Variants in ABCA10 observed in about 807,000 individuals in gnomAD.
ABCA10 encodes the protein ATP binding cassette subfamily A member 10, also known as ATP-binding cassette sub-family A member 10.
In ABCA10, 169 loss-of-function variants were observed where a neutral mutation model predicts 187.5. The observed-to-expected ratio is 0.90, with a 90% confidence interval of 0.80 to 1.02. The LOEUF (loss-of-function observed/expected upper bound fraction) is 1.02. Among genes scored for constraint, ABCA10 ranks in the 50% least tolerant of loss-of-function variants. ABCA10 has a pLI of 0.00. For synonymous variants in ABCA10, 574 were observed against 601.8 expected, an observed-to-expected ratio of 0.95 and a Z score of 0.68; for missense variants, 1,727 against 1,812.4, an observed-to-expected ratio of 0.95 and a Z score of 0.86.
chr17:69,195,157 T>C (rs879839235), intron 11 of ABCA10, among the ~76,000 whole-genome samples: 1 of 152,146 alleles, frequency 6.6e-6, no homozygotes, highest in Non-Finnish European at 1.5e-5. Context: ...GTTAGCATGC[T>C]GGAAATTTTA....
chr17:69,182,157 G>A lies in ABCA10; in HGVS notation c.2765C>T (p.Ser922Phe), dbSNP rs1321587978. The A allele has an allele frequency of 1.3e-6, 2 of 1,575,114 alleles. No individual in the cohort carries two copies. Among genetic ancestry groups the A allele is most frequent in the Admixed American group, 3.6e-5 (2 of 55,518 alleles). Residue 922 changes from serine to phenylalanine, a missense_variant, in exon 22 of 39, where the codon TCT (serine) becomes TTT (phenylalanine). Ser to Phe is a radical substitution (Grantham distance 155). Transcript: ENST00000690296. ...TAAGTCGAATACTCTACTTACACGA[G>A]AAAATGAAGTGCTCTCCATTTGAAT... The part of the protein sequence containing the change: ...ELIQMESTSF[S>F]RDDIVLDLGF...
At chr17:69,175,709 T>A (rs1299079308) in intron 22 of ABCA10, 196 bp from the exon 23 acceptor site, 3 of 425,192 alleles carry the variant, frequency 7.1e-6, no homozygotes, top group African/African-American at 4.1e-5. Context: ...TAAAAGAAAT[T>A]CAAAATCTCA....
Position 69,211,110 on chromosome 17 carries a change from C to T in ABCA10, c.1006+3594G>A, listed in dbSNP as rs553296326. 8.2e-4 allele frequency among the ~76,000 whole-genome samples: 124 copies of T among 150,658 alleles called. 1 individual carries two copies. The highest frequency in any genetic ancestry group is 5.9e-4 in the Non-Finnish European group (40 of 67,776). Reference sequence around the variant, plus strand: ...CTAAAAGTGGAACTACCCTTTGATCCAGCAATCCTACTACTAGTTATCCAC... The same window carrying T: ...CTAAAAGTGGAACTACCCTTTGATCTAGCAATCCTACTACTAGTTATCCAC... On this transcript the variant is annotated intron_variant, in intron 9 of 38. Transcript: ENST00000690296.
intron 28 of ABCA10, among the ~76,000 whole-genome samples, 164 bp downstream of exon 28, chr17:69,156,665 TAAG>T (rs1453858972): frequency 1.3e-5 from 2 of 152,084 alleles, no homozygotes; most frequent in African/African-American, 4.8e-5. Context: ...ATTATAAATT[TAAG>T]AAGATTAAAT....
At chr17:69,158,486 T>C (rs1216834867) in intron 27 of ABCA10, among the ~76,000 whole-genome samples, 1 of 151,616 alleles carries the variant, frequency 6.6e-6, no homozygotes, top group African/African-American at 2.4e-5. Flanking sequence ...AATAAATAAA[T>C]ACATAAATAA....
chr17:69,202,659 T>C (rs1442160480), intron 9 of ABCA10, among the ~76,000 whole-genome samples: 1 of 152,180 alleles, frequency 6.6e-6, no homozygotes, highest in East Asian at 1.9e-4. Flanking sequence ...TAGATAATTC[T>C]TTAACGTTTT....
intron 20 of ABCA10, 68 bp from the exon 21 acceptor site, chr17:69,182,876 AAAT>A: frequency 2.0e-6 from 3 of 1,519,736 alleles, no homozygotes; most frequent in South Asian, 1.3e-5. Context: ...TCAAAGCTTA[AAAT>A]AATAATGATT....
rs371484848 is a variant in ABCA10, at chr17:69,214,729, T to G, written c.981A>C (p.Thr327=). The change falls in exon 9 of 39, where the codon ACA becomes ACC. Residue 327 remains threonine, a synonymous_variant. Transcript: ENST00000690296. The part of the protein sequence containing the change: ...AFDTLFYLIF[T]LYFERVLPDK... Reference sequence around the variant, plus strand: ...CAGGTAAAACTCGCTCAAAATATAATGTGAATATCAAATAGAAAAGAGTAT... The same window carrying G: ...CAGGTAAAACTCGCTCAAAATATAAGGTGAATATCAAATAGAAAAGAGTAT... The G allele has an allele frequency of 5.3e-6, 8 of 1,514,074 alleles. No individual in the cohort carries two copies. The African/African-American group carries it at 7.4e-5, about 14-fold the overall frequency. The allele number at this position is 1,514,074 out of a possible 1,614,324, so 93.8% of individuals were successfully genotyped here. A position where few individuals can be genotyped will look rare whatever the true frequency, so the allele number is the denominator to read the frequency against.
At chr17:69,154,386 T>TTGGTTG (rs1165210238) in intron 30 of ABCA10, 60 bp from the exon 31 acceptor site, 9 of 1,268,012 alleles carry the variant, frequency 7.1e-6, no homozygotes, top group Non-Finnish European at 1.0e-5. Context: ...CTAAAATTGC[T>TTGGTTG]TGGTTGGTTG....
At position 69,174,721 on chromosome 17, in the gene ABCA10, A is replaced by G. The variant is rs1568055977; in HGVS notation, c.2934T>C (p.Cys978=). ...ISGLWPSAYW[C]GQALVDIPLY... is the part of the protein sequence containing the mutation. ...ATGGAATGTCCACCAGAGCCTGTCC[A>G]CACCAGTATGCTGAAGGCCAGAGGC... Residue 978 remains cysteine (C), a synonymous_variant, in exon 24 of 39, where the codon TGT becomes TGC. Coordinates refer to ENST00000690296, the MANE Select transcript of ABCA10 (RefSeq NM_001377321.1). 6.2e-7 allele frequency: 1 copy of G among 1,611,284 alleles called. No individual in the cohort carries two copies. Among genetic ancestry groups the G allele is most frequent in the Admixed American group, 1.7e-5 (1 of 59,704 alleles).
At chr17:69,215,605 C>T (rs901200587) in intron 8 of ABCA10, 17 of 442,482 alleles carry the variant, frequency 3.8e-5, no homozygotes, top group Non-Finnish European at 6.4e-5. Context: ...TATTTTTCTT[C>T]TTTAAATTTG....
Position 69,149,975 on chromosome 17 carries a change from C to G in ABCA10, c.4477+9G>C, listed in dbSNP as rs1234863209. On this transcript the variant is annotated intron_variant, in intron 37 of 38. Transcript: ENST00000690296. Reference sequence around the variant, plus strand: ...ACATAAAGTCTTATTTATATATACCCAAACTTACTCGCCTCTAACTTGAAA... The same window carrying G: ...ACATAAAGTCTTATTTATATATACCGAAACTTACTCGCCTCTAACTTGAAA... 2 of 1,597,776 alleles carry G rather than the reference C, an allele frequency of 1.3e-6. No individual in the cohort carries two copies. Among genetic ancestry groups the G allele is most frequent in the Admixed American group, 3.4e-5 (2 of 59,516 alleles).
At position 69,183,168 on chromosome 17, in the gene ABCA10, A is replaced by G. The variant is rs1353510324; in HGVS notation, c.2498-360T>C. 5.3e-5 allele frequency among the ~76,000 whole-genome samples: 8 copies of G among 152,282 alleles called. No homozygotes were observed. The South Asian group carries it at 1.7e-3, about 32-fold the overall frequency. On this transcript the variant is annotated intron_variant, in intron 20 of 38. Transcript: ENST00000690296. ...AACCCTGTAATATTTGTAATTATGA[A>G]TAATACATACAAAATATACCTCATG... is the stretch of plus-strand genomic sequence containing the variant.
rs1021652681 is a variant in ABCA10 at position 69,152,137 on chromosome 17, A to C, written c.4303T>G (p.Tyr1435Asp). 8 of 1,613,720 alleles carry C rather than the reference A, an allele frequency of 5.0e-6. No homozygotes were observed. The African/African-American group carries it at 1.1e-4, about 22-fold the overall frequency. ...QHLKNKFGRD[Y>D]LLEIKMKEPT... Reference sequence around the variant, plus strand: ...TCTTTCATTTTTATTTCTAGTAAATAATCTCTACCAAACTTGTTTTTCAGA... The same window carrying C: ...TCTTTCATTTTTATTTCTAGTAAATCATCTCTACCAAACTTGTTTTTCAGA... The change falls in exon 36 of 39, where the codon TAT (tyrosine) becomes GAT (aspartate). Residue 1435 changes from tyrosine to aspartate, a missense_variant. Physicochemically the swap from Tyr to Asp is radical, Grantham distance 160 (BLOSUM62 -3). Coordinates refer to ENST00000690296, the MANE Select transcript of ABCA10 (RefSeq NM_001377321.1).
chr17:69,154,234 C>T lies in ABCA10; in HGVS notation c.3786+1G>A, dbSNP rs2074155135. ...TAAAATTTCCTTCACATGTCACATA[C>T]CACTCCTGCAGTTGGCTTTGTGCAC... On this transcript the variant is annotated splice_donor_variant, in intron 31 of 38. Transcript: ENST00000690296. LOFTEE classifies it high-confidence loss of function. 1 of 1,604,320 alleles carries T rather than the reference C, an allele frequency of 6.2e-7. No individual in the cohort carries two copies. Among genetic ancestry groups the T allele is most frequent in the Non-Finnish European group, 8.5e-7 (1 of 1,175,050 alleles).
intron 11 of ABCA10, 63 bp from the exon 12 acceptor site, chr17:69,194,558 A>C: frequency 2.5e-6 from 3 of 1,206,300 alleles, no homozygotes; most frequent in South Asian, 2.9e-5. Flanking sequence ...TGGACCTTAA[A>C]ATTGGAAAAG....
At chr17:69,198,447 G>A (rs766219088) in intron 10 of ABCA10, among the ~76,000 whole-genome samples, 10 of 152,188 alleles carry the variant, frequency 6.6e-5, no homozygotes, top group African/African-American at 1.7e-4. Flanking sequence ...CTCGGGTCAC[G>A]TGAGCCAAGC....
chr17:69,148,275 T>C lies in ABCA10; in HGVS notation c.*552A>G, dbSNP rs2074103338. On this transcript the variant is annotated 3_prime_UTR_variant, in exon 39 of 39. Transcript: ENST00000690296. Reference sequence around the variant, plus strand: ...GAAAATATTAACTGCGGTACTTTCTTACAGATTATGGCTATCTTCTTCCAT... The same window carrying C: ...GAAAATATTAACTGCGGTACTTTCTCACAGATTATGGCTATCTTCTTCCAT... 1 of 152,344 alleles carries C rather than the reference T, an allele frequency of 6.6e-6. No individual in the cohort carries two copies. Among genetic ancestry groups the C allele is most frequent in the Non-Finnish European group, 1.5e-5 (1 of 68,154 alleles). The allele number at this position is 152,344 out of a possible 1,614,324, so 9.4% of individuals were successfully genotyped here.
intron 25 of ABCA10, among the ~76,000 whole-genome samples, chr17:69,166,511 C>G (rs1235290900): frequency 6.6e-6 from 1 of 152,072 alleles, no homozygotes; most frequent in Non-Finnish European, 1.5e-5. Flanking sequence ...AAACCTTGCA[C>G]TTTTTTTGAA....
Sources: gnomAD v4.1 joint callset for allele counts (sites outside exome capture counted in the v4.1 genomes callset) on GRCh38, gnomAD v4.1.1 for gene constraint, MANE v1.5 for transcripts, NCBI Gene and HGNC (gene_info 2026-07-23, HGNC 2026-07-21) for gene names.